KCNA4: variants seen among roughly 807,000 people sequenced by gnomAD.
The protein encoded by KCNA4 is cardiac potassium channel.
A neutral mutation model predicts 37.2 loss-of-function variants in KCNA4; 5 were observed. The ratio of observed to expected loss-of-function variants is 0.13; its 90% CI spans 0.07 to 0.28. The LOEUF (loss-of-function observed/expected upper bound fraction) is 0.28. Ranked by LOEUF, KCNA4 falls within the 10% of genes least tolerant of loss-of-function variation. The probability of loss-of-function intolerance (pLI) is 1.00; values close to 1 mark genes in which losing one functional copy is unlikely to be tolerated. For missense variants in KCNA4, 634 were observed against 817.4 expected (o/e 0.78, Z 2.74); for synonymous variants, 350 against 311.8 (o/e 1.12, Z -1.29).
chr11:30,012,075 A>G lies in KCNA4; in HGVS notation c.604T>C (p.Leu202=), dbSNP rs774117853. The change falls in exon 2 of 2, where the codon TTG becomes CTG. Residue 202 remains leucine, a synonymous_variant. Coordinates refer to ENST00000328224, the MANE Select transcript of KCNA4 (RefSeq NM_002233.4). ...KTLAQFPETL[L]GDPEKRTQYF... is the part of the protein sequence containing the mutation. ...TGAGTCCTCTTTTCAGGGTCTCCCAACAAAGTCTCTGGAAACTGGGCCAGA... is the reference window on the plus strand; with the variant it reads ...TGAGTCCTCTTTTCAGGGTCTCCCAGCAAAGTCTCTGGAAACTGGGCCAGA... 7 of 1,614,078 alleles carry G rather than the reference A, an allele frequency of 4.3e-6. No individual in the cohort carries two copies. The highest frequency in any genetic ancestry group is 4.5e-5 in the East Asian group (2 of 44,880).
In KCNA4 at chr11:30,011,774, C is replaced by G; in HGVS notation, c.905G>C (p.Ser302Thr). 1 of 1,614,026 alleles carries G rather than the reference C, an allele frequency of 6.2e-7. No individual in the cohort carries two copies. The highest frequency in any genetic ancestry group is 8.5e-7 in the Non-Finnish European group (1 of 1,179,996). Reference protein sequence around the residue: ...QIWLLFEYPESSSPARGIAIV... With the variant: ...QIWLLFEYPETSSPARGIAIV... ...GGCTATGCCCCTTGCAGGACTGGAG[C>G]TCTCTGGATATTCAAAGAGGAGCCA... is the stretch of plus-strand genomic sequence containing the variant. The change falls in exon 2 of 2, where the codon AGC becomes ACC. Residue 302 changes from serine to threonine, a missense_variant. Around this residue, in one of 8 missense-constraint regions of KCNA4, gnomAD observed 252 missense variants for 344.2 expected, o/e 0.73. Coordinates refer to ENST00000328224, the MANE Select transcript of KCNA4 (RefSeq NM_002233.4). This position sits in a 1 kb window ranked among gnomAD's most constrained non-coding sequence, Gnocchi z 5.6.
rs565982658 is a variant in KCNA4, at chr11:30,015,500, G to A, written c.-783+1072C>T. ...TCAGCTCTTCGGGAGTTCTAGAACT[G>A]CCCTCTTTCTGCTCTACACCAAATA... On this transcript the variant is annotated intron_variant, in intron 1 of 1. Coordinates refer to ENST00000328224, the MANE Select transcript of KCNA4 (RefSeq NM_002233.4). Among the ~76,000 whole-genome samples, 105 of 152,168 alleles carry A rather than the reference G, an allele frequency of 6.9e-4. 2 individuals are homozygous for A. Among genetic ancestry groups the A allele is most frequent in the Non-Finnish European group, 2.1e-4 (14 of 68,012 alleles).
In KCNA4 at chr11:30,010,611, C is replaced by T. The variant is rs932190008; in HGVS notation, c.*106G>A. On this transcript the variant is annotated 3_prime_UTR_variant, in exon 2 of 2. Coordinates refer to ENST00000328224, the MANE Select transcript of KCNA4 (RefSeq NM_002233.4). ...TGTATAACCATTAAATAGTGTACTA[C>T]TGTATGCATTGGATCATTTGCATAT... is the stretch of plus-strand genomic sequence containing the variant. 1.2e-5 allele frequency: 18 copies of T among 1,465,488 alleles called. No individual in the cohort carries two copies. The Admixed American group carries it at 2.5e-4, about 20-fold the overall frequency. The allele number at this position is 1,465,488 out of a possible 1,614,324, so 90.8% of individuals were successfully genotyped here.
rs771370168 is a variant in KCNA4, at chr11:30,011,687, T to A, written c.992A>T (p.Glu331Val). ...GACGAGATCCCTGTCGTCCCTAAAC[T>A]CAGGCAAGGTTTCCAGGCAAAAGAT... Reference protein sequence around the residue: ...IVIFCLETLPEFRDDRDLVMA... With the variant: ...IVIFCLETLPVFRDDRDLVMA... The change falls in exon 2 of 2, where the codon GAG becomes GTG. Residue 331 changes from glutamate to valine, a missense_variant. Glu to Val is a moderately radical substitution (Grantham distance 121). Coordinates refer to ENST00000328224, the MANE Select transcript of KCNA4 (RefSeq NM_002233.4). The surrounding 1 kb of genome is among the most constrained non-coding windows in gnomAD (Gnocchi z 5.6). The A allele has an allele frequency of 8.7e-6, 14 of 1,613,846 alleles. No individual in the cohort carries two copies. In the South Asian group the frequency reaches 1.5e-4, roughly 18 times the overall value.
chr11:30,010,594 C>T lies in KCNA4; in HGVS notation c.*123G>A. On this transcript the variant is annotated 3_prime_UTR_variant, in exon 2 of 2. Coordinates refer to ENST00000328224, the MANE Select transcript of KCNA4 (RefSeq NM_002233.4). The stretch of plus-strand genomic sequence containing the variant: ...TAGTAACAATTATGCCATGTATAAC[C>T]ATTAAATAGTGTACTACTGTATGCA... 3 of 1,374,764 alleles carry T rather than the reference C, an allele frequency of 2.2e-6. No homozygotes were observed. Among genetic ancestry groups the T allele is most frequent in the Non-Finnish European group, 2.9e-6 (3 of 1,034,146 alleles). 85.2% of individuals were successfully genotyped at this position (1,374,764 alleles called of 1,614,324 possible). A position where few individuals can be genotyped will look rare whatever the true frequency, so the allele number is the denominator to read the frequency against.
At position 30,010,521 on chromosome 11, in the gene KCNA4, C is replaced by T. The variant is rs1850292720; in HGVS notation, c.*196G>A. On this transcript the variant is annotated 3_prime_UTR_variant, in exon 2 of 2. Coordinates refer to ENST00000328224, the MANE Select transcript of KCNA4 (RefSeq NM_002233.4). ...TATAAAGATAGATTTGCTCCTATTC[C>T]TCCCTCTTCTCCAAGATGTATCATT... The T allele has an allele frequency of 1.2e-6, 1 of 860,656 alleles. No individual in the cohort carries two copies. Among genetic ancestry groups the T allele is most frequent in the Non-Finnish European group, 1.7e-6 (1 of 605,704 alleles). 53.3% of individuals were successfully genotyped at this position (860,656 alleles called of 1,614,324 possible). A position where few individuals can be genotyped will look rare whatever the true frequency, so the allele number is the denominator to read the frequency against.
rs1850357799 is a variant in KCNA4, at chr11:30,016,896, C to G, written c.-1107G>C. On this transcript the variant is annotated 5_prime_UTR_variant, in exon 1 of 2. Transcript: ENST00000328224. Reference sequence around the variant, plus strand: ...TTGCCTGGGAAAGGAAGTCAAGGTTCCCCCGAAAAGAAACAAAATCCTAGA... The same window carrying G: ...TTGCCTGGGAAAGGAAGTCAAGGTTGCCCCGAAAAGAAACAAAATCCTAGA... 2.5e-6 allele frequency: 1 copy of G among 398,656 alleles called. No individual in the cohort carries two copies. The highest frequency in any genetic ancestry group is 2.1e-5 in the African/African-American group (1 of 48,634). 24.7% of individuals were successfully genotyped at this position (398,656 alleles called of 1,614,324 possible).
rs756899989 is a variant in KCNA4 at position 30,012,229 on chromosome 11, C to G, written c.450G>C (p.Glu150Asp). Reference sequence around the variant, plus strand: ...GAGGCAGCAGATCCGTGTAGGAACACTCATCACCATGGTCATCTTCACTAT... The same window carrying G: ...GAGGCAGCAGATCCGTGTAGGAACAGTCATCACCATGGTCATCTTCACTAT... Reference protein sequence around the residue: ...FYYSEDDHGDECSYTDLLPQD... With the variant: ...FYYSEDDHGDDCSYTDLLPQD... The change falls in exon 2 of 2, where the codon GAG becomes GAC. Residue 150 changes from glutamate (E) to aspartate (D), a missense_variant. Around this residue, in one of 8 missense-constraint regions of KCNA4, gnomAD observed 236 missense variants for 229.5 expected, o/e 1.03. Coordinates refer to ENST00000328224, the MANE Select transcript of KCNA4 (RefSeq NM_002233.4). 1 of 1,614,040 alleles carries G rather than the reference C, an allele frequency of 6.2e-7. No individual in the cohort carries two copies. The highest frequency in any genetic ancestry group is 1.3e-5 in the African/African-American group (1 of 74,918).
rs1188397301 is a variant in KCNA4, at chr11:30,010,041, T to A, written c.*676A>T. 6.6e-6 allele frequency: 1 copy of A among 152,210 alleles called. No individual in the cohort carries two copies. The highest frequency in any genetic ancestry group is 6.5e-5 in the Admixed American group (1 of 15,286). 9.4% of individuals were successfully genotyped at this position (152,210 alleles called of 1,614,324 possible). ...ACATATTCTCCAATTTCACTTATTCTATAATGTTAGACATTTGCTGTTAAG... is the reference window on the plus strand; with the variant it reads ...ACATATTCTCCAATTTCACTTATTCAATAATGTTAGACATTTGCTGTTAAG... On this transcript the variant is annotated 3_prime_UTR_variant, in exon 2 of 2. Transcript: ENST00000328224.
rs368627706 is a variant in KCNA4 at position 30,011,711 on chromosome 11, A to G, written c.968T>C (p.Ile323Thr). 31 of 1,613,964 alleles carry G rather than the reference A, an allele frequency of 1.9e-5. No homozygotes were observed. Among genetic ancestry groups the G allele is most frequent in the Non-Finnish European group, 2.6e-5 (31 of 1,180,030 alleles). ...CTCAGGCAAGGTTTCCAGGCAAAAG[A>G]TGACAATGGAGATTAAGATGACCAG... ...SVLVILISIV[I>T]FCLETLPEFR... Residue 323 changes from isoleucine (I) to threonine (T), a missense_variant, in exon 2 of 2, where the codon ATC (isoleucine) becomes ACC (threonine). This residue lies in a region of KCNA4 where 252 missense variants were observed against 344.2 expected (regional missense o/e 0.73). Transcript: ENST00000328224. The surrounding 1 kb of genome is among the most constrained non-coding windows in gnomAD (Gnocchi z 5.6).
rs964516068 is a variant in KCNA4 at position 30,016,723 on chromosome 11, A to T, written c.-934T>A. ...GGAATCACTCGGGTTTGGCAGGTGG[A>T]GGCTCCAAATATCCACGGAACAAGT... On this transcript the variant is annotated 5_prime_UTR_variant, in exon 1 of 2. Transcript: ENST00000328224. 13 of 349,820 alleles carry T rather than the reference A, an allele frequency of 3.7e-5. No individual in the cohort carries two copies. The highest frequency in any genetic ancestry group is 2.6e-4 in the African/African-American group (12 of 46,402). The allele number at this position is 349,820 out of a possible 1,614,324, so 21.7% of individuals were successfully genotyped here.
chr11:30,013,952 A>G (rs1850329366), intron 1 of KCNA4, among the ~76,000 whole-genome samples: 1 of 152,206 alleles, frequency 6.6e-6, no homozygotes, highest in East Asian at 1.9e-4. Context: ...AAAAAATAAT[A>G]ATATTCTTAT....
Position 30,011,843 on chromosome 11 carries a change from T to G in KCNA4, c.836A>C (p.Glu279Ala). 6.2e-7 allele frequency: 1 copy of G among 1,614,110 alleles called. No individual in the cohort carries two copies. The highest frequency in any genetic ancestry group is 8.5e-7 in the Non-Finnish European group (1 of 1,180,030). Residue 279 changes from glutamate (E) to alanine (A), a missense_variant, in exon 2 of 2, where the codon GAG (glutamate) becomes GCG (alanine). Glu to Ala is a moderately radical substitution (Grantham distance 107). Coordinates refer to ENST00000328224, the MANE Select transcript of KCNA4 (RefSeq NM_002233.4). This position sits in a 1 kb window ranked among gnomAD's most constrained non-coding sequence, Gnocchi z 5.6. ...ATTCTCGGGGAGGGCCCTGTCTTCC[T>G]CTTCTCTCACAAAGCCCTCGTCCTC... is the stretch of plus-strand genomic sequence containing the variant. ...FREDEGFVRE[E>A]EDRALPENEF...
chr11:30,011,943 T>C lies in KCNA4; in HGVS notation c.736A>G (p.Asn246Asp). 1.2e-6 allele frequency: 2 copies of C among 1,614,038 alleles called. No homozygotes were observed. The highest frequency in any genetic ancestry group is 1.1e-5 in the South Asian group (1 of 91,066). The change falls in exon 2 of 2, where the codon AAT (asparagine) becomes GAT (aspartate). Residue 246 changes from asparagine to aspartate, a missense_variant. By Grantham distance (23) the Asn-to-Asp change is conservative. Around this residue, in one of 8 missense-constraint regions of KCNA4, gnomAD observed 252 missense variants for 344.2 expected, o/e 0.73. Transcript: ENST00000328224. This position sits in a 1 kb window ranked among gnomAD's most constrained non-coding sequence, Gnocchi z 5.6. ...QSGGRLKRPV[N>D]VPFDIFTEEV... ...TCAGTGAAGATATCAAAGGGGACAT[T>C]GACTGGCCTCTTCAGGCGGCCTCCT...
rs1427537100 is a variant in KCNA4 at position 30,017,021 on chromosome 11, A to G, written c.-1232T>C. 1.8e-5 allele frequency: 7 copies of G among 397,540 alleles called. No individual in the cohort carries two copies. The Admixed American group carries it at 2.6e-4, about 15-fold the overall frequency. 24.6% of individuals were successfully genotyped at this position (397,540 alleles called of 1,614,324 possible). On this transcript the variant is annotated 5_prime_UTR_variant, in exon 1 of 2. Coordinates refer to ENST00000328224, the MANE Select transcript of KCNA4 (RefSeq NM_002233.4). ...GCAGCACACGCCTCCCCTGGCCGCG[A>G]ACGCGCTCTGGGCGGGGGCGGGGCC... is the stretch of plus-strand genomic sequence containing the variant.
At position 30,012,139 on chromosome 11, in the gene KCNA4, T is replaced by C. The variant is rs934479381; in HGVS notation, c.540A>G (p.Ile180Met). The C allele has an allele frequency of 6.2e-7, 1 of 1,614,174 alleles. No individual in the cohort carries two copies. The highest frequency in any genetic ancestry group is 8.5e-7 in the Non-Finnish European group (1 of 1,180,024). The change falls in exon 2 of 2, where the codon ATA becomes ATG. Residue 180 changes from isoleucine to methionine, a missense_variant. By Grantham distance (10) the Ile-to-Met change is conservative. Around this residue, in one of 8 missense-constraint regions of KCNA4, gnomAD observed 252 missense variants for 344.2 expected, o/e 0.73. Coordinates refer to ENST00000328224, the MANE Select transcript of KCNA4 (RefSeq NM_002233.4). The stretch of plus-strand genomic sequence containing the variant: ...TCTCAAAGCGTAGGCCTGACACATT[T>C]ATCACCACACGTTCACAACAGTCAC... ...RYSDCCERVV[I>M]NVSGLRFETQ...
At chr11:30,014,416 G>A (rs1327291772) in intron 1 of KCNA4, among the ~76,000 whole-genome samples, 1 of 152,030 alleles carries the variant, frequency 6.6e-6, no homozygotes, top group Non-Finnish European at 1.5e-5. Flanking sequence ...TCTCCTTGGC[G>A]GTCACTCCAT....
rs1327992447 is a variant in KCNA4, at chr11:30,012,639, T to G, written c.40A>C (p.Asn14His). The G allele has an allele frequency of 6.3e-7, 1 of 1,593,802 alleles. No homozygotes were observed. Among genetic ancestry groups the G allele is most frequent in the South Asian group, 1.1e-5 (1 of 89,682 alleles). Residue 14 changes from asparagine to histidine, a missense_variant, in exon 2 of 2, where the codon AAC (asparagine) becomes CAC (histidine). Physicochemically the swap from Asn to His is moderately conservative, Grantham distance 68. Coordinates refer to ENST00000328224, the MANE Select transcript of KCNA4 (RefSeq NM_002233.4). ...GCATAACCATAAGGCATGTGACTGT[T>G]GCACCCTGAGCTCTCCGCACTCACC... ...AMVSAESSGC[N>H]SHMPYGYAAQ...
chr11:30,010,512 C>T lies in KCNA4; in HGVS notation c.*205G>A, dbSNP rs1850292622. 2 of 777,766 alleles carry T rather than the reference C, an allele frequency of 2.6e-6. No individual in the cohort carries two copies. Among genetic ancestry groups the T allele is most frequent in the Non-Finnish European group, 3.8e-6 (2 of 532,026 alleles). 48.2% of individuals were successfully genotyped at this position (777,766 alleles called of 1,614,324 possible). A position where few individuals can be genotyped will look rare whatever the true frequency, so the allele number is the denominator to read the frequency against. On this transcript the variant is annotated 3_prime_UTR_variant, in exon 2 of 2. Transcript: ENST00000328224. ...TAATAAAAATATAAAGATAGATTTG[C>T]TCCTATTCCTCCCTCTTCTCCAAGA...
Sources: allele counts gnomAD v4.1 joint callset (sites outside exome capture counted in the v4.1 genomes callset), GRCh38; gene constraint gnomAD v4.1.1; regional missense constraint gnomAD v4.1.1; non-coding constraint Gnocchi (gnomAD v3.1); transcripts MANE v1.5; gene names NCBI Gene and HGNC (gene_info 2026-07-23, HGNC 2026-07-21).